The following LINGO2 variants were observed in gnomAD, a reference collection of about 807,000 sequenced individuals.
The protein encoded by LINGO2 is leucine rich repeat and Ig domain containing 2, also known as leucine-rich repeat and immunoglobulin-like domain-containing nogo receptor-interacting protein 2.
A neutral mutation model predicts 30.6 loss-of-function variants in LINGO2; 14 were observed. The observed-to-expected ratio is 0.46, with a 90% confidence interval of 0.30 to 0.72. The LOEUF (loss-of-function observed/expected upper bound fraction) is 0.72, where lower values mean the gene tolerates loss of function less well. Among genes scored for constraint, LINGO2 ranks in the 30% least tolerant of loss-of-function variants. The pLI, the probability that LINGO2 is intolerant of heterozygous loss-of-function variation, is 0.07. For missense variants in LINGO2, 729 were observed against 751.7 expected, an observed-to-expected ratio of 0.97 and a Z score of 0.35; for synonymous variants, 317 against 288.5, an observed-to-expected ratio of 1.10 and a Z score of -1.00.
the LINGO2 span, among the ~76,000 whole-genome samples, chr9:28,973,360 T>C: frequency 1.3e-5 from 2 of 152,178 alleles, no homozygotes; most frequent in Non-Finnish European, 2.9e-5. Flanking sequence ...GAACCTTACA[T>C]GCCAGGAGAG....
intron 1 of LINGO2, among the ~76,000 whole-genome samples, chr9:28,606,416 T>C (rs899163833): frequency 6.6e-6 from 1 of 152,026 alleles, no homozygotes; most frequent in African/African-American, 2.4e-5. Context: ...TAAATGACTT[T>C]ACTGGAGAGA....
At chr9:29,086,076 A>G in the LINGO2 span, among the ~76,000 whole-genome samples, 1 of 152,122 alleles carries the variant, frequency 6.6e-6, no homozygotes, top group Non-Finnish European at 1.5e-5. Flanking sequence ...TCACCTCCTC[A>G]TTTCCTAATT....
At chr9:28,003,851 G>A (rs1822116832) in intron 5 of LINGO2, among the ~76,000 whole-genome samples, 2 of 152,182 alleles carry the variant, frequency 1.3e-5, no homozygotes, top group Non-Finnish European at 2.9e-5. Context: ...ACAACATTAA[G>A]TGAGGATTTA....
the LINGO2 span, among the ~76,000 whole-genome samples, chr9:29,042,421 T>C: frequency 6.6e-6 from 1 of 152,072 alleles, no homozygotes; most frequent in Admixed American, 6.6e-5. Context: ...ATTAATAATA[T>C]CCCAAAAGTG....
rs1020012329 is a variant in LINGO2, at chr9:28,169,903, G to A, written c.-87+125305C>T. Among the ~76,000 whole-genome samples the A allele has an allele frequency of 2.6e-5, 4 of 152,122 alleles. No individual in the cohort carries two copies. In the East Asian group the frequency reaches 7.7e-4, roughly 29 times the overall value. On this transcript the variant is annotated intron_variant, in intron 4 of 5. Transcript: ENST00000379992. The stretch of plus-strand genomic sequence containing the variant: ...GCTCTTTCATATGTTCTGTTTGAAT[G>A]TCATCTTTCCAACGAGGCCTTCTCT...
At chr9:28,982,388 TAA>T in the LINGO2 span, among the ~76,000 whole-genome samples, 1 of 151,994 alleles carries the variant, frequency 6.6e-6, no homozygotes, top group African/African-American at 2.4e-5. Context: ...CTATTCTCAG[TAA>T]AAGTTTTGCA....
chr9:28,699,679 A>G, the LINGO2 span, among the ~76,000 whole-genome samples: 1 of 152,042 alleles, frequency 6.6e-6, no homozygotes, highest in Non-Finnish European at 1.5e-5. Flanking sequence ...ATGTGCAAGT[A>G]GGGAAGATAT....
the LINGO2 span, among the ~76,000 whole-genome samples, chr9:29,044,961 TTCTC>T: frequency 6.4e-4 from 97 of 152,230 alleles, no homozygotes; most frequent in African/African-American, 2.1e-3. Flanking sequence ...TTGTAAATAT[TTCTC>T]TCTCTCTTTC....
intron 1 of LINGO2, among the ~76,000 whole-genome samples, chr9:28,663,702 T>C (rs996055789): frequency 7.9e-5 from 12 of 152,190 alleles, no homozygotes; most frequent in African/African-American, 2.4e-4. Flanking sequence ...AAAATATATA[T>C]GGGTATATAA....
At chr9:28,919,848 T>C in the LINGO2 span, among the ~76,000 whole-genome samples, 2 of 152,200 alleles carry the variant, frequency 1.3e-5, no homozygotes, top group African/African-American at 4.8e-5. Context: ...CATTATATCC[T>C]TTTAGACTTC....
the LINGO2 span, among the ~76,000 whole-genome samples, chr9:29,035,906 G>A: frequency 2.6e-5 from 4 of 151,860 alleles, no homozygotes; most frequent in East Asian, 3.9e-4. Context: ...ACTAAGAAGA[G>A]GGAAAAATAT....
intron 4 of LINGO2, among the ~76,000 whole-genome samples, chr9:28,057,283 T>C (rs1227889835): frequency 1.3e-5 from 2 of 151,892 alleles, no homozygotes; most frequent in East Asian, 3.9e-4. Flanking sequence ...AAGTAAAGTT[T>C]TTTTTTTTTA....
At chr9:29,146,527 C>A in the LINGO2 span, among the ~76,000 whole-genome samples, 1 of 152,088 alleles carries the variant, frequency 6.6e-6, no homozygotes, top group Non-Finnish European at 1.5e-5. Flanking sequence ...CTATATCAAG[C>A]TATTCATTCA....
At chr9:29,003,489 G>C in the LINGO2 span, among the ~76,000 whole-genome samples, 1 of 151,822 alleles carries the variant, frequency 6.6e-6, no homozygotes, top group Admixed American at 6.6e-5. Context: ...ATGGGGGAGA[G>C]CAAGAGAAAA....
intron 1 of LINGO2, among the ~76,000 whole-genome samples, chr9:28,589,968 T>A (rs911743049): frequency 6.6e-6 from 1 of 152,044 alleles, no homozygotes; most frequent in Admixed American, 6.5e-5. Flanking sequence ...TATAGACCAA[T>A]GGAACAGAAC....
chr9:28,128,079 T>C (rs1248726980), intron 4 of LINGO2, among the ~76,000 whole-genome samples: 3 of 152,224 alleles, frequency 2.0e-5, no homozygotes, highest in African/African-American at 7.2e-5. Context: ...TGGAAAGCTC[T>C]GGTTAAAAGT....
At chr9:28,940,012 G>T in the LINGO2 span, among the ~76,000 whole-genome samples, 1 of 152,118 alleles carries the variant, frequency 6.6e-6, no homozygotes, top group African/African-American at 2.4e-5. Context: ...TGCATGAAAA[G>T]ATCAATATAA....
Position 28,579,338 on chromosome 9 carries a change from T to C in LINGO2, c.-365+90862A>G, listed in dbSNP as rs556287523. Among the ~76,000 whole-genome samples, 25 of 152,154 alleles carry C rather than the reference T, an allele frequency of 1.6e-4. No homozygotes were observed. The South Asian group carries it at 5.0e-3, about 30-fold the overall frequency. ...AGGAGATGCCTTTCTGAGGGAGGGG[T>C]AATGACAGAAAAGTACATCCATTTT... On this transcript the variant is annotated intron_variant, in intron 1 of 5. Transcript: ENST00000379992.
intron 1 of LINGO2, among the ~76,000 whole-genome samples, chr9:28,483,886 C>T (rs530420754): frequency 2.0e-5 from 3 of 151,990 alleles, no homozygotes; most frequent in African/African-American, 4.8e-5. Flanking sequence ...TAAACACATT[C>T]TATTTCCTTC....
Sources: allele counts gnomAD v4.1 joint callset (sites outside exome capture counted in the v4.1 genomes callset), GRCh38; gene constraint gnomAD v4.1.1; transcripts MANE v1.5; gene names NCBI Gene and HGNC (gene_info 2026-07-23, HGNC 2026-07-21).